KITLG: variants seen among roughly 807,000 people sequenced by gnomAD.
The protein encoded by KITLG is c-Kit ligand.
A neutral mutation model predicts 34.1 loss-of-function variants in KITLG; 13 were observed. That is an observed-to-expected ratio of 0.38 (90% CI 0.25 to 0.61). KITLG has a LOEUF of 0.61. Among genes scored for constraint, KITLG ranks in the 20% least tolerant of loss-of-function variants. KITLG has a pLI of 0.60. For missense variants in KITLG, 292 were observed against 318.9 expected (o/e 0.92, Z 0.64); for synonymous variants, 110 against 104.0 (o/e 1.06, Z -0.35).
At chr12:88,537,352 C>G (rs1184317134) in intron 2 of KITLG, among the ~76,000 whole-genome samples, 1 of 151,984 alleles carries the variant, frequency 6.6e-6, no homozygotes, top group Non-Finnish European at 1.5e-5. Flanking sequence ...TGGAGGCCAT[C>G]ATTGTCAGTG....
chr12:88,559,592 A>G (rs1871230159), intron 1 of KITLG, among the ~76,000 whole-genome samples: 1 of 152,228 alleles, frequency 6.6e-6, no homozygotes, highest in Admixed American at 6.5e-5. Flanking sequence ...GTCCAAAATT[A>G]AATCCTAAGC....
intron 1 of KITLG, among the ~76,000 whole-genome samples, chr12:88,574,017 C>T (rs1871743015): frequency 6.6e-6 from 1 of 152,078 alleles, no homozygotes; most frequent in African/African-American, 2.4e-5. Flanking sequence ...GGCACAAAGT[C>T]AAGTGCTGAA....
chr12:88,530,952 C>G (rs1870060227), intron 3 of KITLG, among the ~76,000 whole-genome samples: 1 of 152,016 alleles, frequency 6.6e-6, no homozygotes, highest in Admixed American at 6.6e-5. Flanking sequence ...AAAAATTGGT[C>G]AAAACCTACA....
At chr12:88,544,939 GCAT>G (rs143420438) in intron 2 of KITLG, among the ~76,000 whole-genome samples, 6,449 of 151,860 alleles carry the variant, frequency 0.042, 193 homozygotes, top group Non-Finnish European at 0.064. Context: ...ACCTATTCTC[GCAT>G]CACCTCCGTT....
intron 1 of KITLG, among the ~76,000 whole-genome samples, chr12:88,564,742 TA>T (rs5799870): frequency 1.3e-5 from 2 of 148,992 alleles, no homozygotes; most frequent in Admixed American, 6.7e-5. Flanking sequence ...CTTACCTGAT[TA>T]AAAAAAAAAG....
chr12:88,564,936 G>C (rs1871398268), intron 1 of KITLG, among the ~76,000 whole-genome samples: 1 of 152,126 alleles, frequency 6.6e-6, no homozygotes, highest in Admixed American at 6.5e-5. Flanking sequence ...TAAGATGATG[G>C]CTTCTAACCA....
At position 88,502,086 on chromosome 12, in the gene KITLG, G is replaced by C. The variant is rs972365493; in HGVS notation, c.*37+3073C>G. The stretch of plus-strand genomic sequence containing the variant: ...CAGGTTTTTGTAGGTGGCAGTATGT[G>C]ACCTGAGCCTTGGTGGAGCTTTGCA... On this transcript the variant is annotated intron_variant, in intron 9 of 9. Transcript: ENST00000644744. Among the ~76,000 whole-genome samples, 6 of 152,278 alleles carry C rather than the reference G, an allele frequency of 3.9e-5. No homozygotes were observed. The East Asian group carries it at 1.2e-3, about 29-fold the overall frequency.
intron 1 of KITLG, among the ~76,000 whole-genome samples, chr12:88,552,702 T>G (rs1387672939): frequency 2.6e-5 from 4 of 152,106 alleles, no homozygotes; most frequent in Non-Finnish European, 5.9e-5. Flanking sequence ...GTTGTTTTAT[T>G]TGTTCATGCC....
chr12:88,561,713 C>G (rs1438103857), intron 1 of KITLG, among the ~76,000 whole-genome samples: 2 of 152,214 alleles, frequency 1.3e-5, no homozygotes, highest in Admixed American at 6.5e-5. Context: ...TTGTCCAACT[C>G]CATGTTTACG....
chr12:88,551,725 G>C (rs1870922131), intron 1 of KITLG, among the ~76,000 whole-genome samples: 1 of 152,126 alleles, frequency 6.6e-6, no homozygotes, highest in Non-Finnish European at 1.5e-5. Context: ...GTCCCATATG[G>C]GAGCTTACAG....
At chr12:88,535,499 G>A (rs1344821982) in intron 2 of KITLG, among the ~76,000 whole-genome samples, 3 of 152,152 alleles carry the variant, frequency 2.0e-5, no homozygotes, top group East Asian at 3.9e-4. Flanking sequence ...CGCATTAGGA[G>A]TAACTGGTGC....
At chr12:88,523,494 TTAAGAAATCTCTTTGGAA>T (rs1386531986) in intron 3 of KITLG, among the ~76,000 whole-genome samples, 1 of 152,220 alleles carries the variant, frequency 6.6e-6, no homozygotes, top group Non-Finnish European at 1.5e-5. Flanking sequence ...TTCGGCTCAA[TTAAGAAATCTCTTTGGAA>T]TAGAAATGGT....
At chr12:88,551,483 A>C (rs923310170) in intron 1 of KITLG, among the ~76,000 whole-genome samples, 3 of 152,242 alleles carry the variant, frequency 2.0e-5, no homozygotes, top group Non-Finnish European at 2.9e-5. Flanking sequence ...CATCAAATAA[A>C]AGGAAGACTT....
At position 88,572,400 on chromosome 12, in the gene KITLG, T is replaced by C. The variant is rs1184724785; in HGVS notation, c.15+7864A>G. On this transcript the variant is annotated intron_variant, in intron 1 of 9. Transcript: ENST00000644744. Reference sequence around the variant, plus strand: ...AAATCAAGCAAGCCTAATAAATGCCTAAATACATTTTTTTCTTAAAGACCC... The same window carrying C: ...AAATCAAGCAAGCCTAATAAATGCCCAAATACATTTTTTTCTTAAAGACCC... Among the ~76,000 whole-genome samples, 3 of 151,712 alleles carry C rather than the reference T, an allele frequency of 2.0e-5. No individual in the cohort carries two copies. The East Asian group carries it at 5.8e-4, about 29-fold the overall frequency.
At chr12:88,558,030 T>G (rs963276907) in intron 1 of KITLG, among the ~76,000 whole-genome samples, 3 of 152,144 alleles carry the variant, frequency 2.0e-5, no homozygotes, top group African/African-American at 7.2e-5. Context: ...TTATTTAAAA[T>G]CTCTAAAATA....
chr12:88,516,043 A>G (rs2120834002), intron 5 of KITLG, among the ~76,000 whole-genome samples: 1 of 151,890 alleles, frequency 6.6e-6, no homozygotes, highest in Non-Finnish European at 1.5e-5. Flanking sequence ...GGTACAGAAT[A>G]ATATAATTGT....
intron 1 of KITLG, among the ~76,000 whole-genome samples, chr12:88,563,854 AG>A (rs767423881): frequency 6.6e-6 from 1 of 151,984 alleles, no homozygotes; most frequent in Non-Finnish European, 1.5e-5. Context: ...CCCAGCTACT[AG>A]GGAGGCTGAG....
intron 1 of KITLG, among the ~76,000 whole-genome samples, chr12:88,558,850 C>A (rs1871189704): frequency 6.6e-6 from 1 of 152,094 alleles, no homozygotes; most frequent in East Asian, 1.9e-4. Context: ...ACAAACAAAA[C>A]AAAAATGTCT....
At chr12:88,571,601 T>C (rs1871653721) in intron 1 of KITLG, among the ~76,000 whole-genome samples, 1 of 152,192 alleles carries the variant, frequency 6.6e-6, no homozygotes, top group Non-Finnish European at 1.5e-5. Context: ...GAAAAAAGGC[T>C]TATAAAAAAT....
Sources: gnomAD v4.1 joint callset for allele counts (sites outside exome capture counted in the v4.1 genomes callset) on GRCh38, gnomAD v4.1.1 for gene constraint, MANE v1.5 for transcripts, NCBI Gene and HGNC (gene_info 2026-07-23, HGNC 2026-07-21) for gene names.